Variants in TUSC3 observed in about 807,000 individuals in gnomAD.
The protein encoded by TUSC3 is tumor suppressor candidate 3.
In TUSC3, 45 loss-of-function variants were observed where a neutral mutation model predicts 44.8. The ratio of observed to expected loss-of-function variants is 1.00; its 90% CI spans 0.79 to 1.29. The LOEUF (loss-of-function observed/expected upper bound fraction) is 1.29. Among genes scored for constraint, TUSC3 ranks in the 50% most tolerant of loss-of-function variants. The pLI, the probability that TUSC3 is intolerant of heterozygous loss-of-function variation, is 0.00. For missense variants in TUSC3, 519 were observed against 437.9 expected (o/e 1.19, Z -1.65); for synonymous variants, 212 against 152.9 (o/e 1.39, Z -2.85).
chr8:15,525,113 A>G (rs1801355867), intron 2 of TUSC3, among the ~76,000 whole-genome samples: 2 of 152,258 alleles, frequency 1.3e-5, no homozygotes, highest in South Asian at 4.1e-4. Flanking sequence ...CAAGGAGACC[A>G]TTAACCAGAA....
chr8:15,502,710 C>G (rs1415687992), intron 2 of TUSC3, among the ~76,000 whole-genome samples: 2 of 152,202 alleles, frequency 1.3e-5, no homozygotes, highest in Admixed American at 6.5e-5. Flanking sequence ...CCAGGATGGT[C>G]TTGATCTCCT....
intron 5 of TUSC3, among the ~76,000 whole-genome samples, chr8:15,666,403 T>A (rs1230302914): frequency 6.6e-6 from 1 of 151,596 alleles, no homozygotes; most frequent in African/African-American, 2.4e-5. Context: ...GGATGATTCA[T>A]ACACCTTCAT....
chr8:15,525,271 C>T (rs752248051), intron 2 of TUSC3, among the ~76,000 whole-genome samples: 3 of 152,164 alleles, frequency 2.0e-5, no homozygotes, highest in Non-Finnish European at 2.9e-5. Context: ...GATAGTACTT[C>T]AGGATGCTAG....
At chr8:15,769,151 G>A (rs1812399208), downstream of TUSC3, among the ~76,000 whole-genome samples, 1 of 152,090 alleles carries the variant, frequency 6.6e-6, no homozygotes, top group African/African-American at 2.4e-5. Context: ...AAAGCTGAAG[G>A]CATCACTCTA....
chr8:15,642,482 C>T (rs1213177166), intron 2 of TUSC3, among the ~76,000 whole-genome samples: 3 of 152,148 alleles, frequency 2.0e-5, no homozygotes, highest in Non-Finnish European at 2.9e-5. Flanking sequence ...TATCAGTTGA[C>T]TAGAAAAGAC....
At chr8:15,759,522 T>C (rs1812083688) in intron 10 of TUSC3, among the ~76,000 whole-genome samples, 1 of 152,062 alleles carries the variant, frequency 6.6e-6, no homozygotes, top group African/African-American at 2.4e-5. Context: ...CATTATTTGC[T>C]ACCTGTTCAG....
At chr8:15,849,824 A>T in the TUSC3 span, among the ~76,000 whole-genome samples, 1 of 152,088 alleles carries the variant, frequency 6.6e-6, no homozygotes, top group African/African-American at 2.4e-5. Context: ...AAAAAAAGCA[A>T]AGCATCTTGA....
intron 1 of TUSC3, among the ~76,000 whole-genome samples, chr8:15,570,228 T>C (rs1802821205): frequency 6.6e-6 from 1 of 151,560 alleles, no homozygotes; most frequent in Non-Finnish European, 1.5e-5. Context: ...CCACATCTTT[T>C]TCCAGTGTTA....
intron 4 of TUSC3, among the ~76,000 whole-genome samples, chr8:15,660,712 C>G (rs1005703788): frequency 2.0e-5 from 3 of 151,508 alleles, no homozygotes; most frequent in Admixed American, 6.6e-5. Flanking sequence ...AACTTATTTC[C>G]TAATTCTTAT....
At position 15,748,432 on chromosome 8, in the gene TUSC3, T is replaced by C. The variant is rs138405200; in HGVS notation, c.995T>C (p.Ile332Thr). Residue 332 changes from isoleucine to threonine, a missense_variant, in exon 9 of 11, where the codon ATA (isoleucine) becomes ACA (threonine). Physicochemically the swap from Ile to Thr is moderately conservative, Grantham distance 89. Coordinates refer to ENST00000503731, the MANE Select transcript of TUSC3 (RefSeq NM_006765.4). ...TTCTTCTTCAGTTTTCTACTTTCAATATTTCGTTCCAAGTACCACGGCTAT... is the reference window on the plus strand; with the variant it reads ...TTCTTCTTCAGTTTTCTACTTTCAACATTTCGTTCCAAGTACCACGGCTAT... ...VVFFFSFLLS[I>T]FRSKYHGYPY... 7.7e-5 allele frequency: 124 copies of C among 1,613,360 alleles called. No homozygotes were observed. Among genetic ancestry groups the C allele is most frequent in the Non-Finnish European group, 1.0e-4 (123 of 1,179,544 alleles).
Position 15,732,726 on chromosome 8 carries a change from C to T in TUSC3, c.862+1997C>T, listed in dbSNP as rs17577824. Among the ~76,000 whole-genome samples, 134 of 152,090 alleles carry T rather than the reference C, an allele frequency of 8.8e-4. No individual in the cohort carries two copies. The East Asian group carries it at 0.012, about 14-fold the overall frequency. ...ATTGTTTTTCAAGCTTTAATGAAAA[C>T]GAAGGAATGAAGTTGAGAAGAACAA... On this transcript the variant is annotated intron_variant, in intron 7 of 10. Transcript: ENST00000503731.
In TUSC3 at chr8:15,504,550, T is replaced by C. The variant is rs1459517491; in HGVS notation, n.189+21067T>C. Reference sequence around the variant, plus strand: ...CAAACAGAATTCCTATTTTGTTCTATTTTAATCCTATTAAAGGCAACTTTC... The same window carrying C: ...CAAACAGAATTCCTATTTTGTTCTACTTTAATCCTATTAAAGGCAACTTTC... On this transcript the variant is annotated intron_variant and non_coding_transcript_variant, in intron 2 of 5. Coordinates refer to the TUSC3 transcript ENST00000503191. Among the ~76,000 whole-genome samples, 9 of 141,666 alleles carry C rather than the reference T, an allele frequency of 6.4e-5. 1 individual carries two copies. Among genetic ancestry groups the C allele is most frequent in the Admixed American group, 5.8e-4 (8 of 13,770 alleles). 92.9% of individuals were successfully genotyped at this position (141,666 alleles called of 152,430 possible).
intron 2 of TUSC3, among the ~76,000 whole-genome samples, chr8:15,524,071 A>AT (rs1190006397): frequency 6.6e-6 from 1 of 151,150 alleles, no homozygotes; most frequent in Non-Finnish European, 1.5e-5. Flanking sequence ...AAAAAAAAAA[A>AT]TAGAAATCAG....
chr8:15,523,425 T>C (rs1256676142), intron 2 of TUSC3, among the ~76,000 whole-genome samples: 1 of 151,978 alleles, frequency 6.6e-6, no homozygotes, highest in East Asian at 1.9e-4. Flanking sequence ...CTTACATGGT[T>C]TTCATAGGAG....
intron 6 of TUSC3, among the ~76,000 whole-genome samples, chr8:15,678,172 A>G (rs926204046): frequency 1.3e-5 from 2 of 152,178 alleles, no homozygotes; most frequent in Non-Finnish European, 2.9e-5. Context: ...TGAGGTATAT[A>G]TACGCCAGAT....
At chr8:15,663,398 C>T (rs1292126148) in intron 5 of TUSC3, among the ~76,000 whole-genome samples, 1 of 151,624 alleles carries the variant, frequency 6.6e-6, no homozygotes, top group Non-Finnish European at 1.5e-5. Context: ...CAGTTTGTTT[C>T]TTTTGCTTTC....
At chr8:15,757,915 T>C (rs1384527855) in intron 10 of TUSC3, 60 bp downstream of exon 10, 1 of 1,468,002 alleles carries the variant, frequency 6.8e-7, no homozygotes, top group African/African-American at 1.4e-5. Context: ...ATAGAGAGTA[T>C]AACATTTATC....
At chr8:15,651,421 A>C (rs1179231227) in intron 3 of TUSC3, among the ~76,000 whole-genome samples, 1 of 152,208 alleles carries the variant, frequency 6.6e-6, no homozygotes, top group Non-Finnish European at 1.5e-5. Context: ...GTATTTCCCC[A>C]AATTCATAAG....
At chr8:15,575,070 G>T (rs1337176623) in intron 1 of TUSC3, among the ~76,000 whole-genome samples, 2 of 151,994 alleles carry the variant, frequency 1.3e-5, no homozygotes, top group East Asian at 3.9e-4. Context: ...CTTATCCGTA[G>T]CAATTAATGG....
Sources: allele counts gnomAD v4.1 joint callset (sites outside exome capture counted in the v4.1 genomes callset), GRCh38; gene constraint gnomAD v4.1.1; transcripts MANE v1.5; gene names NCBI Gene and HGNC (gene_info 2026-07-23, HGNC 2026-07-21).